The following TEP1 variants were observed in gnomAD, a reference collection of about 807,000 sequenced individuals.
The protein encoded by TEP1 is telomerase associated protein 1.
TEP1 carries 241 observed loss-of-function variants against 306.3 expected under a neutral mutation model. The ratio of observed to expected loss-of-function variants is 0.79; its 90% confidence interval spans 0.71 to 0.88. The LOEUF (loss-of-function observed/expected upper bound fraction) is 0.88. TEP1 is among the 40% of genes least tolerant of loss of function. TEP1 has a pLI of 0.00. For synonymous variants in TEP1, 1,289 were observed against 1,305.5 expected, an observed-to-expected ratio of 0.99 and a Z score of 0.27; for missense variants, 3,051 against 3,276.1, an observed-to-expected ratio of 0.93 and a Z score of 1.68.
chr14:20,410,915 G>A lies in TEP1; in HGVS notation c.-24-2452C>T, dbSNP rs950454165. Among the ~76,000 whole-genome samples the A allele has an allele frequency of 2.8e-4, 41 of 146,446 alleles. 2 individuals are homozygous for A. Among genetic ancestry groups the A allele is most frequent in the Non-Finnish European group, 6.0e-4 (40 of 66,940 alleles). ...CAGCTCACTGCAACCTCGACTTCCC[G>A]GGTTCAAGTAATTCTCCTGCCTCAG... On this transcript the variant is annotated intron_variant, in intron 1 of 54. Transcript: ENST00000262715.
At position 20,378,110 on chromosome 14, in the gene TEP1, C is replaced by T. The variant is rs1455675934; in HGVS notation, c.5635G>A (p.Ala1879Thr). The T allele has an allele frequency of 6.2e-7, 1 of 1,613,924 alleles. No individual in the cohort carries two copies. Residue 1879 changes from alanine to threonine, a missense_variant, in exon 39 of 55, where the codon GCC becomes ACC. By Grantham distance (58) the Ala-to-Thr change is moderately conservative. Coordinates refer to ENST00000262715, the MANE Select transcript of TEP1 (RefSeq NM_007110.5). ...WAWREGARLA[A>T]FPAHHGFVAA... ...ACAAAGCCATGGTGGGCAGGGAAGG[C>T]AGCCAGCCGTGCCCCTTCTCGCCAG...
chr14:20,370,243 G>A lies in TEP1; in HGVS notation c.7318-464C>T, dbSNP rs182884500. On this transcript the variant is annotated intron_variant, in intron 51 of 54. Coordinates refer to ENST00000262715, the MANE Select transcript of TEP1 (RefSeq NM_007110.5). ...GCACAAATCTTAAATGTACATCGGCGATGTATTTTTACATGTGCATCCACC... is the reference window on the plus strand; with the variant it reads ...GCACAAATCTTAAATGTACATCGGCAATGTATTTTTACATGTGCATCCACC... 7.5e-3 allele frequency among the ~76,000 whole-genome samples: 1,141 copies of A among 152,192 alleles called. 12 individuals carry two copies. The highest frequency in any genetic ancestry group is 0.026 in the African/African-American group (1,090 of 41,526).
rs764995714 is a variant in TEP1, at chr14:20,373,312, C to T, written c.6772G>A (p.Glu2258Lys). ...ETSGLMLTAS[E>K]DGSVRLWQVP... The stretch of plus-strand genomic sequence containing the variant: ...TGCCAGAGCCGTACAGAACCATCCT[C>T]AGAGGCGGTCAGCATGAGGCCTGAG... The change falls in exon 47 of 55, where the codon GAG (glutamate) becomes AAG (lysine). Residue 2258 changes from glutamate (E) to lysine (K), a missense_variant. Physicochemically the swap from Glu to Lys is moderately conservative, Grantham distance 56 (BLOSUM62 1). Around this residue, in one of 3 missense-constraint regions of TEP1, gnomAD observed 1,540 missense variants for 1,705.9 expected, o/e 0.90. Transcript: ENST00000262715. The T allele has an allele frequency of 6.2e-7, 1 of 1,614,198 alleles. No individual in the cohort carries two copies. Among genetic ancestry groups the T allele is most frequent in the East Asian group, 2.2e-5 (1 of 44,884 alleles).
In TEP1 at chr14:20,401,118, A is replaced by C. The variant is rs1251474089; in HGVS notation, c.1415T>G (p.Phe472Cys). The C allele has an allele frequency of 6.2e-7, 1 of 1,614,102 alleles. No homozygotes were observed. Among genetic ancestry groups the C allele is most frequent in the Non-Finnish European group, 8.5e-7 (1 of 1,180,050 alleles). The part of the protein sequence containing the change: ...GYRYPSNLQL[F>C]SRSRLPGPWD... ...AGGCCCAGGAAGGCGACTTCGAGAA[A>C]AGAGCTGTAGGTTGGAGGGGTATCT... The change falls in exon 9 of 55, where the codon TTT (phenylalanine) becomes TGT (cysteine). Residue 472 changes from phenylalanine (F) to cysteine (C), a missense_variant. By Grantham distance (205) the Phe-to-Cys change is radical. Coordinates refer to ENST00000262715, the MANE Select transcript of TEP1 (RefSeq NM_007110.5).
chr14:20,409,871 A>T (rs891772255), intron 1 of TEP1, among the ~76,000 whole-genome samples: 18 of 151,578 alleles, frequency 1.2e-4, no homozygotes, highest in African/African-American at 3.6e-4. Context: ...AAATACAAAA[A>T]ATTAGCCAGG....
intron 7 of TEP1, 64 bp from the exon 8 acceptor site, chr14:20,401,645 A>G: frequency 1.3e-6 from 2 of 1,594,360 alleles, no homozygotes; most frequent in Non-Finnish European, 1.7e-6. Flanking sequence ...ACTTTCTTCA[A>G]TAAAGCAGAT....
chr14:20,388,436 C>G (rs1315387097), intron 17 of TEP1, among the ~76,000 whole-genome samples: 4 of 151,990 alleles, frequency 2.6e-5, no homozygotes, highest in Non-Finnish European at 5.9e-5. Context: ...GAGGCTTTCT[C>G]ATAGGAGTTG....
intron 18 of TEP1, 21 bp from the exon 19 acceptor site, chr14:20,386,644 G>A (rs1877186453): frequency 6.4e-7 from 1 of 1,572,148 alleles, no homozygotes; most frequent in African/African-American, 1.3e-5. Context: ...GCAGAGAGCT[G>A]GGCTCAGTCT....
Position 20,387,941 on chromosome 14 carries a change from T to C in TEP1, c.2648A>G (p.Asp883Gly). ...GVQSLRPLEE[D>G]TPSPLAPVSQ... ...AACAGGAGCCAAGGGGCTTGGAGTG[T>C]CCTCTTCCAGTGGCCGGAGAGACTG... Residue 883 changes from aspartate (D) to glycine (G), a missense_variant, in exon 18 of 55, where the codon GAC becomes GGC. Transcript: ENST00000262715. 1 of 1,613,814 alleles carries C rather than the reference T, an allele frequency of 6.2e-7. No individual in the cohort carries two copies. The highest frequency in any genetic ancestry group is 8.5e-7 in the Non-Finnish European group (1 of 1,179,902).
In TEP1 at chr14:20,405,536, A is replaced by C; in HGVS notation, c.785T>G (p.Met262Arg). The change falls in exon 4 of 55, where the codon ATG (methionine) becomes AGG (arginine). Residue 262 changes from methionine to arginine, a missense_variant. This residue lies in a region of TEP1 where 1,507 missense variants were observed against 1,550.5 expected (regional missense o/e 0.97). Transcript: ENST00000262715. The part of the protein sequence containing the change: ...LCSTLVSEVN[M>R]NNTSDPTLAA... Reference sequence around the variant, plus strand: ...CAGGGTGGGGTCAGATGTATTGTTCATGTTTACTTCTGAGACCAGAGTAGA... The same window carrying C: ...CAGGGTGGGGTCAGATGTATTGTTCCTGTTTACTTCTGAGACCAGAGTAGA... 6.2e-7 allele frequency: 1 copy of C among 1,614,210 alleles called. No individual in the cohort carries two copies. The highest frequency in any genetic ancestry group is 1.3e-5 in the African/African-American group (1 of 75,062).
At chr14:20,398,718 G>A (rs548184685) in intron 9 of TEP1, among the ~76,000 whole-genome samples, 6 of 152,144 alleles carry the variant, frequency 3.9e-5, no homozygotes, top group South Asian at 2.1e-4. Flanking sequence ...CTGGACAGAG[G>A]TGCATTCAAA....
intron 17 of TEP1, 104 bp from the exon 18 acceptor site, chr14:20,388,167 C>A (rs1877369751): frequency 2.3e-6 from 3 of 1,282,394 alleles, no homozygotes; most frequent in Non-Finnish European, 3.3e-6. Context: ...GGTTTGGTGA[C>A]CAGTTAAGTC....
At chr14:20,376,002 G>T in intron 42 of TEP1, 102 bp downstream of exon 42, 1 of 1,525,388 alleles carries the variant, frequency 6.6e-7, no homozygotes, top group Non-Finnish European at 8.9e-7. Flanking sequence ...ACTAGATTTG[G>T]CAAAACAAAA....
At position 20,374,301 on chromosome 14, in the gene TEP1, G is replaced by C. The variant is rs75722927; in HGVS notation, c.6471+128C>G. The C allele has an allele frequency of 7.7e-3, 4,581 of 594,594 alleles. 28 individuals carry two copies. The highest frequency in any genetic ancestry group is 0.027 in the Middle Eastern group (58 of 2,148). The allele number at this position is 594,594 out of a possible 1,614,324, so 36.8% of individuals were successfully genotyped here. Reference sequence around the variant, plus strand: ...TAGAGATGGGGGGTCTTCCTATGTTGCCTAATCTCTAGGTATCTCATTTTT... The same window carrying C: ...TAGAGATGGGGGGTCTTCCTATGTTCCCTAATCTCTAGGTATCTCATTTTT... On this transcript the variant is annotated intron_variant, in intron 44 of 54. Coordinates refer to ENST00000262715, the MANE Select transcript of TEP1 (RefSeq NM_007110.5).
At chr14:20,408,963 C>A (rs79372750) in intron 1 of TEP1, among the ~76,000 whole-genome samples, 1,988 of 152,104 alleles carry the variant, frequency 0.013, 18 homozygotes, top group Non-Finnish European at 0.021. Context: ...AGTAGAGAGG[C>A]CTCGCAATAT....
intron 9 of TEP1, among the ~76,000 whole-genome samples, chr14:20,398,898 A>G (rs1878439762): frequency 6.6e-6 from 1 of 151,444 alleles, no homozygotes; most frequent in Admixed American, 6.6e-5. Flanking sequence ...TTCTCCAGTC[A>G]TCATTCTTTT....
Position 20,388,031 on chromosome 14 carries a change from A to G in TEP1, c.2558T>C (p.Leu853Pro). The G allele has an allele frequency of 6.2e-7, 1 of 1,614,202 alleles. No homozygotes were observed. The highest frequency in any genetic ancestry group is 8.5e-7 in the Non-Finnish European group (1 of 1,180,032). Residue 853 changes from leucine (L) to proline (P), a missense_variant, in exon 18 of 55, where the codon CTG (leucine) becomes CCG (proline). Leu to Pro is a moderately conservative substitution (Grantham distance 98). This residue lies in a region of TEP1 where 1,507 missense variants were observed against 1,550.5 expected (regional missense o/e 0.97). Transcript: ENST00000262715. The part of the protein sequence containing the change: ...FIAEHGASHL[L>P]EHVGQMDKIF... ...TTTGTCCATTTGGCCCACATGTTCC[A>G]GAAGATGGGAGGCCCCATGCTCTGC...
intron 17 of TEP1, among the ~76,000 whole-genome samples, chr14:20,388,818 T>C (rs902059234): frequency 6.6e-6 from 1 of 152,162 alleles, no homozygotes; most frequent in Non-Finnish European, 1.5e-5. Flanking sequence ...TATGCCTGGA[T>C]GGCTGTAAAA....
intron 5 of TEP1, 23 bp from the exon 6 acceptor site, chr14:20,403,907 C>T: frequency 6.2e-7 from 1 of 1,613,690 alleles, no homozygotes; most frequent in South Asian, 1.1e-5. Context: ...GAGGAGAGAC[C>T]ACTAGAAGCA....
Sources: gnomAD v4.1 joint callset for allele counts (sites outside exome capture counted in the v4.1 genomes callset) on GRCh38, gnomAD v4.1.1 for gene constraint, gnomAD v4.1.1 regional missense constraint, MANE v1.5 for transcripts, NCBI Gene and HGNC (gene_info 2026-07-23, HGNC 2026-07-21) for gene names.